Variants in IL1RAPL2 observed in about 807,000 individuals in gnomAD.
The protein encoded by IL1RAPL2 is interleukin 1 receptor accessory protein like 2.
Under a neutral mutation model 44.1 loss-of-function variants are expected in IL1RAPL2, and 3 were observed. That is an observed-to-expected ratio of 0.07 (90% confidence interval 0.03 to 0.18). The LOEUF (loss-of-function observed/expected upper bound fraction) is 0.18, where lower values mean the gene tolerates loss of function less well. Ranked by LOEUF, IL1RAPL2 falls within the 10% of genes least tolerant of loss-of-function variation. The pLI, the probability that IL1RAPL2 is intolerant of heterozygous loss-of-function variation, is 1.00. For missense variants in IL1RAPL2, 391 were observed against 496.4 expected (o/e 0.79, Z 2.02); for synonymous variants, 181 against 178.8 (o/e 1.01, Z -0.10).
intron 6 of IL1RAPL2, among the ~76,000 whole-genome samples, chrX:105,716,530 T>A (rs1231307382): frequency 4.5e-5 from 5 of 111,746 alleles, no homozygotes; most frequent in African/African-American, 1.3e-4. Context: ...TGCTTCCTAC[T>A]CACACTGAAG....
chrX:104,993,594 T>G (rs1005217853), intron 2 of IL1RAPL2, among the ~76,000 whole-genome samples: 1 of 111,549 alleles, frequency 9.0e-6, no homozygotes, highest in African/African-American at 3.2e-5. Context: ...GATGTTATAT[T>G]CATTGAAGCT....
At chrX:105,531,203 T>C (rs1055015953) in intron 6 of IL1RAPL2, among the ~76,000 whole-genome samples, 2 of 111,990 alleles carry the variant, frequency 1.8e-5, no homozygotes, top group African/African-American at 6.5e-5. Flanking sequence ...TCCAAATCAT[T>C]GCCAACATTT....
At chrX:105,632,801 G>A (rs1167597756) in intron 6 of IL1RAPL2, among the ~76,000 whole-genome samples, 1 of 111,426 alleles carries the variant, frequency 9.0e-6, no homozygotes, top group Non-Finnish European at 1.9e-5. Flanking sequence ...AACAAATCAA[G>A]ATGGTCAACT....
chrX:104,568,165 C>T (rs1928076495), intron 1 of IL1RAPL2, among the ~76,000 whole-genome samples: 1 of 110,858 alleles, frequency 9.0e-6, no homozygotes, highest in African/African-American at 3.3e-5. Context: ...ACCACCACTA[C>T]CTTCAATCGA....
At chrX:104,935,795 C>T (rs892749915) in intron 2 of IL1RAPL2, among the ~76,000 whole-genome samples, 1 of 111,577 alleles carries the variant, frequency 9.0e-6, no homozygotes, top group Admixed American at 9.6e-5. Flanking sequence ...TATGATCTTA[C>T]AGGATCTCAG....
At chrX:105,200,114 A>G (rs1556144928) in intron 3 of IL1RAPL2, among the ~76,000 whole-genome samples, 1 of 112,088 alleles carries the variant, frequency 8.9e-6, no homozygotes, top group Non-Finnish European at 1.9e-5. Flanking sequence ...GTATTCACCT[A>G]AAATCTCCAG....
chrX:105,505,139 A>G, intron 6 of IL1RAPL2, among the ~76,000 whole-genome samples: 1 of 111,124 alleles, frequency 9.0e-6, no homozygotes, highest in South Asian at 3.8e-4. Context: ...GGCCTTTACC[A>G]ATGTACACTA....
chrX:104,675,873 C>T (rs5917119), intron 2 of IL1RAPL2, among the ~76,000 whole-genome samples: 35,705 of 104,155 alleles, frequency 0.34, 5,723 homozygotes, highest in Non-Finnish European at 0.43. Flanking sequence ...TTGTCTCTTT[C>T]GATCTCTGTT....
intron 5 of IL1RAPL2, among the ~76,000 whole-genome samples, chrX:105,431,225 A>G (rs1032349947): frequency 1.8e-5 from 2 of 112,069 alleles, no homozygotes; most frequent in African/African-American, 6.5e-5. Context: ...TGAAACTCAA[A>G]TTGAATAGGA....
At chrX:105,004,900 A>G (rs776618293) in intron 2 of IL1RAPL2, among the ~76,000 whole-genome samples, 2 of 111,035 alleles carry the variant, frequency 1.8e-5, no homozygotes, top group Non-Finnish European at 3.8e-5. Context: ...TTCAAGGTTA[A>G]AATATCCCCG....
intron 6 of IL1RAPL2, among the ~76,000 whole-genome samples, chrX:105,541,933 G>A (rs999439506): frequency 5.4e-5 from 6 of 111,133 alleles, no homozygotes; most frequent in Non-Finnish European, 1.1e-4. Context: ...TTTAACCTGC[G>A]TTTGCTGTCT....
intron 9 of IL1RAPL2, among the ~76,000 whole-genome samples, chrX:105,751,562 G>A (rs542409225): frequency 9.0e-6 from 1 of 111,361 alleles, no homozygotes; most frequent in Non-Finnish European, 1.9e-5. Flanking sequence ...TGGTTTCAAA[G>A]GTGTCCAGTA....
At chrX:105,132,469 A>G (rs1216104018) in intron 2 of IL1RAPL2, among the ~76,000 whole-genome samples, 7 of 111,110 alleles carry the variant, frequency 6.3e-5, no homozygotes, top group Non-Finnish European at 1.9e-5. Flanking sequence ...AGTTCTTTCA[A>G]AAAATAGATT....
chrX:105,350,399 A>C (rs2035143144), intron 5 of IL1RAPL2, among the ~76,000 whole-genome samples: 1 of 112,501 alleles, frequency 8.9e-6, no homozygotes, highest in African/African-American at 3.2e-5. Context: ...TGTTCCATAA[A>C]ATGAAATTTA....
At chrX:105,116,504 C>T (rs780059788) in intron 2 of IL1RAPL2, among the ~76,000 whole-genome samples, 17 of 96,479 alleles carry the variant, frequency 1.8e-4, no homozygotes, top group Non-Finnish European at 1.7e-4. Context: ...ATTGACATAG[C>T]AGTGCTCACA....
chrX:105,377,921 G>T (rs940311293), intron 5 of IL1RAPL2, among the ~76,000 whole-genome samples: 2 of 111,371 alleles, frequency 1.8e-5, no homozygotes, highest in Non-Finnish European at 3.8e-5. Flanking sequence ...CTATGAAAAC[G>T]CTTTCCTCCC....
intron 2 of IL1RAPL2, among the ~76,000 whole-genome samples, chrX:104,829,287 G>C (rs1439683238): frequency 8.9e-6 from 1 of 112,038 alleles, no homozygotes; most frequent in Non-Finnish European, 1.9e-5. Flanking sequence ...CTCCTGTTCT[G>C]TGGGTTGCAA....
At chrX:104,909,808 G>A (rs1391737711) in intron 2 of IL1RAPL2, among the ~76,000 whole-genome samples, 2 of 112,649 alleles carry the variant, frequency 1.8e-5, no homozygotes, top group Non-Finnish European at 3.8e-5. Flanking sequence ...GTTTGTCTGT[G>A]CCCTGCCCCT....
At chrX:105,503,905 G>T (rs1294020711) in intron 6 of IL1RAPL2, among the ~76,000 whole-genome samples, 3 of 111,349 alleles carry the variant, frequency 2.7e-5, no homozygotes, top group African/African-American at 9.8e-5. Flanking sequence ...CACTCTTCAT[G>T]TAAGGTCACC....
Sources: gnomAD v4.1 joint callset for allele counts (sites outside exome capture counted in the v4.1 genomes callset) on GRCh38, gnomAD v4.1.1 for gene constraint, MANE v1.5 for transcripts, NCBI Gene and HGNC (gene_info 2026-07-23, HGNC 2026-07-21) for gene names.